Variants in ADAMTSL3 observed in about 807,000 individuals in gnomAD.
ADAMTSL3 encodes ADAMTS-like protein 3.
ADAMTSL3 carries 128 observed loss-of-function variants against 201.7 expected under a neutral mutation model. That is an observed-to-expected ratio of 0.63 (90% confidence interval 0.55 to 0.73). ADAMTSL3 has a LOEUF of 0.73. Ranked by LOEUF, ADAMTSL3 falls within the 30% of genes least tolerant of loss-of-function variation. The pLI is 0.00. For missense variants in ADAMTSL3, 1,990 were observed against 2,119.6 expected, an observed-to-expected ratio of 0.94 and a Z score of 1.20; for synonymous variants, 738 against 748.4, an observed-to-expected ratio of 0.99 and a Z score of 0.23.
At chr15:83,965,349 CAAAAA>C (rs143907808) in intron 19 of ADAMTSL3, among the ~76,000 whole-genome samples, 4 of 98,378 alleles carry the variant, frequency 4.1e-5, no homozygotes, top group Non-Finnish European at 5.9e-5. Context: ...AAATGGAAAG[CAAAAA>C]AAAAAAAAAA....
chr15:83,689,935 G>T (rs904314325), intron 2 of ADAMTSL3, among the ~76,000 whole-genome samples: 1 of 152,126 alleles, frequency 6.6e-6, no homozygotes, highest in African/African-American at 2.4e-5. Flanking sequence ...TTTATGGAAA[G>T]AATGTAAAAA....
intron 9 of ADAMTSL3, among the ~76,000 whole-genome samples, chr15:83,872,627 C>CACACACACACAGAG (rs6145659): frequency 2.4e-4 from 34 of 141,014 alleles, no homozygotes; most frequent in East Asian, 8.4e-4. Context: ...CACACACACA[C>CACACACACACAGAG]AGAGTTTTTG....
chr15:83,939,738 C>G (rs2066521713), intron 17 of ADAMTSL3, among the ~76,000 whole-genome samples: 1 of 151,818 alleles, frequency 6.6e-6, no homozygotes, highest in African/African-American at 2.4e-5. Flanking sequence ...TCTCATGCCT[C>G]AGCCTACCAA....
Position 84,004,923 on chromosome 15 carries a change from T to C in ADAMTSL3, c.3974-9619T>C, listed in dbSNP as rs577079014. On this transcript the variant is annotated intron_variant, in intron 23 of 29. Transcript: ENST00000286744. Reference sequence around the variant, plus strand: ...ACAGTGCAGTTCCCGGGCTGGAGGATAGCTGTTCTTAGCAGTGACTCCCCT... The same window carrying C: ...ACAGTGCAGTTCCCGGGCTGGAGGACAGCTGTTCTTAGCAGTGACTCCCCT... Among the ~76,000 whole-genome samples, 111 of 152,212 alleles carry C rather than the reference T, an allele frequency of 7.3e-4. 1 individual carries two copies. Among genetic ancestry groups the C allele is most frequent in the Non-Finnish European group, 1.2e-3 (80 of 68,034 alleles).
At chr15:83,796,692 T>C (rs1362478424) in intron 4 of ADAMTSL3, among the ~76,000 whole-genome samples, 1 of 152,192 alleles carries the variant, frequency 6.6e-6, no homozygotes, top group African/African-American at 2.4e-5. Context: ...TTCTTTTAAC[T>C]ATACTAGTGG....
At chr15:83,674,828 A>G (rs2061381151) in intron 2 of ADAMTSL3, among the ~76,000 whole-genome samples, 1 of 146,364 alleles carries the variant, frequency 6.8e-6, no homozygotes, top group East Asian at 2.0e-4. Flanking sequence ...TGTTAAACCT[A>G]TAGGTCGCTT....
chr15:83,892,580 C>G, intron 12 of ADAMTSL3, 104 bp from the exon 13 acceptor site: 1 of 1,138,374 alleles, frequency 8.8e-7, no homozygotes, highest in Non-Finnish European at 1.3e-6. Flanking sequence ...GCTCATTCAG[C>G]TGAACCACAA....
intron 2 of ADAMTSL3, among the ~76,000 whole-genome samples, chr15:83,692,760 G>A (rs1195921168): frequency 6.7e-6 from 1 of 150,210 alleles, no homozygotes; most frequent in Non-Finnish European, 1.5e-5. Context: ...CTCCACTGAT[G>A]TGTTCACACT....
intron 3 of ADAMTSL3, among the ~76,000 whole-genome samples, chr15:83,724,509 G>T (rs2062145174): frequency 6.6e-6 from 1 of 151,962 alleles, no homozygotes; most frequent in South Asian, 2.1e-4. Flanking sequence ...CAGGGTAAAT[G>T]GGGTATCCGT....
rs559894295 is a variant in ADAMTSL3, at chr15:83,800,508, A to G, written c.318-4142A>G. On this transcript the variant is annotated intron_variant, in intron 4 of 29. Transcript: ENST00000286744. ...GAGACACAGCCATAAGATACCTTTGATATATTCTTTTCTTACCTTTTAGTT... is the reference window on the plus strand; with the variant it reads ...GAGACACAGCCATAAGATACCTTTGGTATATTCTTTTCTTACCTTTTAGTT... 7.9e-5 allele frequency among the ~76,000 whole-genome samples: 12 copies of G among 152,304 alleles called. 1 individual carries two copies. The South Asian group carries it at 2.3e-3, about 29-fold the overall frequency.
At chr15:83,844,510 C>T (rs1346013103) in intron 7 of ADAMTSL3, among the ~76,000 whole-genome samples, 1 of 152,194 alleles carries the variant, frequency 6.6e-6, no homozygotes, top group African/African-American at 2.4e-5. Flanking sequence ...CTCTTTCTAC[C>T]TCCACATTCG....
At chr15:83,790,781 A>G (rs1324926156) in intron 4 of ADAMTSL3, among the ~76,000 whole-genome samples, 1 of 152,184 alleles carries the variant, frequency 6.6e-6, no homozygotes, top group Admixed American at 6.5e-5. Context: ...GGTAACTTCT[A>G]AAACTAACAA....
chr15:83,795,924 C>T (rs754969663), intron 4 of ADAMTSL3, among the ~76,000 whole-genome samples: 13 of 152,066 alleles, frequency 8.5e-5, no homozygotes, highest in Non-Finnish European at 1.8e-4. Flanking sequence ...CAAGGAAATA[C>T]TTGCGAGGAG....
chr15:83,669,621 C>T (rs1054818082), intron 2 of ADAMTSL3, among the ~76,000 whole-genome samples: 2 of 151,222 alleles, frequency 1.3e-5, no homozygotes, highest in Admixed American at 1.3e-4. Flanking sequence ...GTGCCCGCCA[C>T]CACGCCCGGC....
At chr15:84,008,751 A>T (rs974775331) in intron 23 of ADAMTSL3, among the ~76,000 whole-genome samples, 1 of 152,128 alleles carries the variant, frequency 6.6e-6, no homozygotes, top group Non-Finnish European at 1.5e-5. Context: ...CCTGCTCAGC[A>T]TCTCTCCGTG....
intron 21 of ADAMTSL3, among the ~76,000 whole-genome samples, chr15:83,988,364 G>A (rs2067519597): frequency 1.3e-5 from 2 of 152,182 alleles, no homozygotes; most frequent in South Asian, 4.1e-4. Flanking sequence ...GAATAGGTTT[G>A]CTAGGTTGTC....
At chr15:83,674,959 T>A (rs914212587) in intron 2 of ADAMTSL3, among the ~76,000 whole-genome samples, 4 of 151,618 alleles carry the variant, frequency 2.6e-5, no homozygotes, top group Admixed American at 6.6e-5. Flanking sequence ...TTCTGAACAA[T>A]CCTTGTTGGA....
At chr15:83,935,422 A>AT (rs2066444349) in intron 17 of ADAMTSL3, among the ~76,000 whole-genome samples, 1 of 152,130 alleles carries the variant, frequency 6.6e-6, no homozygotes, top group Non-Finnish European at 1.5e-5. Context: ...GTGAAAAATG[A>AT]TAAAAAGGAC....
At chr15:83,657,930 G>A (rs561844045) in intron 2 of ADAMTSL3, among the ~76,000 whole-genome samples, 7 of 152,282 alleles carry the variant, frequency 4.6e-5, no homozygotes, top group Admixed American at 2.6e-4. Flanking sequence ...ACTCAAGGCC[G>A]CCCTTTCTGA....
Sources: allele counts gnomAD v4.1 joint callset (sites outside exome capture counted in the v4.1 genomes callset), GRCh38; gene constraint gnomAD v4.1.1; transcripts MANE v1.5; gene names NCBI Gene and HGNC (gene_info 2026-07-23, HGNC 2026-07-21).